TBC1D5: variants seen among roughly 807,000 people sequenced by gnomAD.
The protein encoded by TBC1D5 is TBC1 domain family member 5.
A neutral mutation model predicts 100.3 loss-of-function variants in TBC1D5; 75 were observed. That is an observed-to-expected ratio of 0.75 (90% CI 0.62 to 0.91). TBC1D5 has a LOEUF of 0.91. TBC1D5 is among the 40% of genes least tolerant of loss of function. TBC1D5 has a pLI of 0.00. For synonymous variants in TBC1D5, 323 were observed against 325.6 expected (o/e 0.99, Z 0.09); for missense variants, 910 against 942.4 (o/e 0.97, Z 0.45).
chr3:17,465,820 T>C (rs191550047), intron 3 of TBC1D5, among the ~76,000 whole-genome samples: 6 of 152,368 alleles, frequency 3.9e-5, no homozygotes, highest in African/African-American at 1.4e-4. Flanking sequence ...AAGCTCATCA[T>C]CAAATATATC....
intron 1 of TBC1D5, among the ~76,000 whole-genome samples, chr3:17,716,880 A>G (rs896250573): frequency 1.3e-5 from 2 of 152,202 alleles, no homozygotes; most frequent in African/African-American, 4.8e-5. Context: ...TTGATCAAAG[A>G]AAAATAATAT....
chr3:17,372,780 G>A (rs148149448), intron 12 of TBC1D5, among the ~76,000 whole-genome samples: 1 of 152,262 alleles, frequency 6.6e-6, no homozygotes, highest in East Asian at 1.9e-4. Flanking sequence ...AGAACAAAAG[G>A]TTATTATTCC....
At chr3:17,607,181 A>AT (rs201385237) in intron 2 of TBC1D5, among the ~76,000 whole-genome samples, 2,519 of 152,340 alleles carry the variant, frequency 0.017, 51 homozygotes, top group South Asian at 0.048. Flanking sequence ...TGTACAAGAA[A>AT]TTAAAGGTAG....
intron 1 of TBC1D5, among the ~76,000 whole-genome samples, chr3:17,725,743 T>C (rs933630432): frequency 6.6e-6 from 1 of 152,190 alleles, no homozygotes; most frequent in African/African-American, 2.4e-5. Context: ...CAGGGGTACA[T>C]GTGCATGTTT....
chr3:17,539,260 T>C (rs952560423), intron 2 of TBC1D5, among the ~76,000 whole-genome samples: 2 of 152,176 alleles, frequency 1.3e-5, no homozygotes, highest in African/African-American at 4.8e-5. Context: ...GTAGAGACCA[T>C]GGTTCTTATT....
intron 3 of TBC1D5, among the ~76,000 whole-genome samples, chr3:17,444,038 TAC>T (rs767663193): frequency 2.6e-4 from 40 of 152,128 alleles, no homozygotes; most frequent in Non-Finnish European, 1.8e-4. Context: ...TACATTGAAA[TAC>T]AGTTACAGCT....
chr3:17,216,686 C>A (rs541429435), intron 17 of TBC1D5, among the ~76,000 whole-genome samples: 1 of 152,074 alleles, frequency 6.6e-6, no homozygotes, highest in Non-Finnish European at 1.5e-5. Flanking sequence ...CACCCACCAC[C>A]AGGACTCTAG....
chr3:17,651,106 A>T (rs576417977), intron 1 of TBC1D5, among the ~76,000 whole-genome samples: 2 of 152,306 alleles, frequency 1.3e-5, no homozygotes, highest in African/African-American at 4.8e-5. Flanking sequence ...TAAAGTTGTT[A>T]TTCAATTGTT....
chr3:17,609,353 G>A (rs539065632), intron 2 of TBC1D5, among the ~76,000 whole-genome samples: 1 of 152,246 alleles, frequency 6.6e-6, no homozygotes, highest in African/African-American at 2.4e-5. Flanking sequence ...TACAAAAAAT[G>A]TTCTCTGAAT....
intron 13 of TBC1D5, among the ~76,000 whole-genome samples, chr3:17,363,575 T>C (rs1233834976): frequency 6.6e-6 from 1 of 151,780 alleles, no homozygotes; most frequent in Non-Finnish European, 1.5e-5. Context: ...TTTCTTTTTT[T>C]ATTTTTATTT....
At chr3:17,358,273 C>T (rs569346749) in intron 13 of TBC1D5, among the ~76,000 whole-genome samples, 1 of 152,242 alleles carries the variant, frequency 6.6e-6, no homozygotes, top group Admixed American at 6.5e-5. Context: ...CAACCTCTGC[C>T]TCCTGGGTTC....
At chr3:17,242,728 T>C (rs898786187) in intron 16 of TBC1D5, among the ~76,000 whole-genome samples, 1 of 152,124 alleles carries the variant, frequency 6.6e-6, no homozygotes, top group Non-Finnish European at 1.5e-5. Flanking sequence ...CTTATTTAGA[T>C]TTATTGAATA....
At chr3:17,654,167 C>G (rs1280642866) in intron 1 of TBC1D5, among the ~76,000 whole-genome samples, 1 of 151,976 alleles carries the variant, frequency 6.6e-6, no homozygotes, top group Admixed American at 6.6e-5. Flanking sequence ...CTTATAATTC[C>G]TATAGGTTCC....
intron 16 of TBC1D5, among the ~76,000 whole-genome samples, chr3:17,255,722 T>C (rs2077582144): frequency 6.6e-6 from 1 of 152,200 alleles, no homozygotes; most frequent in African/African-American, 2.4e-5. Context: ...CACACTATTA[T>C]TATTTGTCAA....
At chr3:17,238,417 G>A (rs1311025074) in exon 17 of TBC1D5, 18 of 1,603,446 alleles carry the variant, frequency 1.1e-5, no homozygotes, top group Non-Finnish European at 1.4e-5. Context: ...TTTGGCATTG[G>A]TCCTGTTAAA....
At chr3:17,514,359 T>C (rs2095954956) in intron 2 of TBC1D5, among the ~76,000 whole-genome samples, 1 of 152,234 alleles carries the variant, frequency 6.6e-6, no homozygotes, top group Admixed American at 6.5e-5. Context: ...CAATATTAAA[T>C]ATCACCCCTT....
chr3:17,737,990 T>C (rs765207668), intron 1 of TBC1D5, among the ~76,000 whole-genome samples: 2 of 152,200 alleles, frequency 1.3e-5, no homozygotes, highest in African/African-American at 4.8e-5. Context: ...TCCAAACTAA[T>C]GGACATTCAG....
intron 1 of TBC1D5, among the ~76,000 whole-genome samples, chr3:17,706,686 CTT>C (rs1044652681): frequency 1.2e-4 from 18 of 151,744 alleles, no homozygotes; most frequent in African/African-American, 4.1e-4. Flanking sequence ...AAGGTTATGA[CTT>C]ATATAATTAG....
intron 4 of TBC1D5, among the ~76,000 whole-genome samples, chr3:17,407,642 C>T (rs186397903): frequency 6.6e-6 from 1 of 152,190 alleles, no homozygotes; most frequent in East Asian, 1.9e-4. Flanking sequence ...AATTTCAAAA[C>T]TTGATCATGG....
Sources: allele counts gnomAD v4.1 joint callset (sites outside exome capture counted in the v4.1 genomes callset), GRCh38; gene constraint gnomAD v4.1.1; transcripts MANE v1.5; gene names NCBI Gene and HGNC (gene_info 2026-07-23, HGNC 2026-07-21).